The following PCDH15 variants were observed in gnomAD, a reference collection of about 807,000 sequenced individuals.
PCDH15 encodes the protein protocadherin related 15, also known as protocadherin-15.
Under a neutral mutation model 178.5 loss-of-function variants are expected in PCDH15, and 129 were observed. The ratio of observed to expected loss-of-function variants is 0.72; its 90% CI spans 0.63 to 0.84. The LOEUF is 0.84. Ranked by LOEUF, PCDH15 falls within the 40% of genes least tolerant of loss-of-function variation. The probability of loss-of-function intolerance (pLI) is 0.00; values close to 1 mark genes in which losing one functional copy is unlikely to be tolerated. For missense variants in PCDH15, 2,230 were observed against 2,099.9 expected (o/e 1.06, Z -1.21); for synonymous variants, 800 against 732.0 (o/e 1.09, Z -1.50).
chr10:54,097,760 G>T (rs1051449358), intron 15 of PCDH15, among the ~76,000 whole-genome samples: 1 of 152,096 alleles, frequency 6.6e-6, no homozygotes, highest in East Asian at 1.9e-4. Flanking sequence ...ATGAATGAAA[G>T]AATTTTGGAA....
chr10:54,953,521 C>A (rs1185346840), intron 2 of PCDH15, among the ~76,000 whole-genome samples: 1 of 151,382 alleles, frequency 6.6e-6, no homozygotes, highest in East Asian at 1.9e-4. Context: ...TTATAATACA[C>A]CTAATCTATT....
At chr10:55,023,189 G>A (rs1168467939) in intron 2 of PCDH15, among the ~76,000 whole-genome samples, 1 of 152,076 alleles carries the variant, frequency 6.6e-6, no homozygotes, top group Non-Finnish European at 1.5e-5. Context: ...GATCTGCCCG[G>A]CCTCTGCCTC....
chr10:54,498,113 C>A (rs2080306263), intron 3 of PCDH15, among the ~76,000 whole-genome samples: 1 of 152,056 alleles, frequency 6.6e-6, no homozygotes, highest in Non-Finnish European at 1.5e-5. Context: ...GACATTTCAG[C>A]AGAAACTTTA....
At chr10:54,717,046 T>C (rs188314054) in intron 1 of PCDH15, among the ~76,000 whole-genome samples, 26 of 148,652 alleles carry the variant, frequency 1.7e-4, no homozygotes, top group Admixed American at 1.6e-3. Flanking sequence ...CTGGGAAAAC[T>C]GGCTAGCTAT....
At chr10:53,984,643 AGTT>A (rs1467695177) in intron 21 of PCDH15, among the ~76,000 whole-genome samples, 1 of 152,198 alleles carries the variant, frequency 6.6e-6, no homozygotes, top group African/African-American at 2.4e-5. Context: ...CACAGATTTG[AGTT>A]AAATATTACC....
chr10:53,906,543 G>T (rs1006449478), intron 25 of PCDH15, among the ~76,000 whole-genome samples: 1 of 152,082 alleles, frequency 6.6e-6, no homozygotes, highest in African/African-American at 2.4e-5. Context: ...GAACAAAAAA[G>T]TTGATATTCA....
intron 2 of PCDH15, among the ~76,000 whole-genome samples, chr10:55,053,175 G>A (rs1841209067): frequency 6.6e-6 from 1 of 152,060 alleles, no homozygotes; most frequent in Non-Finnish European, 1.5e-5. Context: ...CTTTCAACAT[G>A]ATTTTTTTAT....
intron 3 of PCDH15, among the ~76,000 whole-genome samples, chr10:54,446,005 AT>A (rs59281586): frequency 4.0e-5 from 6 of 150,990 alleles, no homozygotes; most frequent in African/African-American, 1.5e-4. Flanking sequence ...CAGGTCTCTC[AT>A]TTTTTTTAAG....
At chr10:55,376,332 T>A (rs754570225) in intron 2 of PCDH15, among the ~76,000 whole-genome samples, 2 of 152,134 alleles carry the variant, frequency 1.3e-5, no homozygotes, top group Admixed American at 6.5e-5. Context: ...GCGGTACGAC[T>A]ATGAGAAAAC....
chr10:54,435,439 C>A (rs1303422278), intron 3 of PCDH15, among the ~76,000 whole-genome samples: 2 of 152,170 alleles, frequency 1.3e-5, no homozygotes, highest in Admixed American at 6.5e-5. Context: ...TTGTGATTAA[C>A]CATGAGCATG....
intron 3 of PCDH15, among the ~76,000 whole-genome samples, chr10:54,852,756 G>A (rs954170329): frequency 6.6e-6 from 1 of 151,822 alleles, no homozygotes; most frequent in Non-Finnish European, 1.5e-5. Context: ...AGGAGGCTGA[G>A]GCAGGAGAAT....
chr10:55,568,660 A>C (rs964248921), intron 2 of PCDH15, among the ~76,000 whole-genome samples: 1 of 152,198 alleles, frequency 6.6e-6, no homozygotes, highest in Non-Finnish European at 1.5e-5. Context: ...GACTTCCAAA[A>C]GAGGATTCAA....
At chr10:54,872,994 G>A (rs1304186126) in intron 3 of PCDH15, among the ~76,000 whole-genome samples, 3 of 150,952 alleles carry the variant, frequency 2.0e-5, no homozygotes, top group African/African-American at 7.3e-5. Context: ...TCTACAAATT[G>A]TAAAAGCTAC....
In PCDH15 at chr10:54,236,918, G is replaced by A; in HGVS notation, c.890C>T (p.Pro297Leu). 1 of 1,613,350 alleles carries A rather than the reference G, an allele frequency of 6.2e-7. No individual in the cohort carries two copies. The highest frequency in any genetic ancestry group is 8.5e-7 in the Non-Finnish European group (1 of 1,179,456). ...TTGGATTGGTGGCGTAACAATAATG[G>A]GGTTCAGTTCTTCCTGAAAAAAAAA... ...PELRTPEELN[P>L]IIVTPPIQAI... Residue 297 changes from proline (P) to leucine (L), a missense_variant, in exon 9 of 38, where the codon CCC (proline) becomes CTC (leucine). Pro to Leu is a moderately conservative substitution (Grantham distance 98, BLOSUM62 -3). Coordinates refer to ENST00000644397, the MANE Select transcript of PCDH15 (RefSeq NM_001384140.1).
chr10:55,493,448 G>A (rs773737609), intron 2 of PCDH15, among the ~76,000 whole-genome samples: 1 of 151,306 alleles, frequency 6.6e-6, no homozygotes, highest in Non-Finnish European at 1.5e-5. Flanking sequence ...AGGCTGGAGT[G>A]GGACAATTGA....
At chr10:54,221,821 T>G (rs1247783108) in intron 9 of PCDH15, among the ~76,000 whole-genome samples, 1 of 152,128 alleles carries the variant, frequency 6.6e-6, no homozygotes, top group East Asian at 1.9e-4. Flanking sequence ...CAGGCTGGTT[T>G]CGAACTCCTG....
At chr10:54,372,888 G>C (rs1403746265) in intron 4 of PCDH15, among the ~76,000 whole-genome samples, 2 of 151,578 alleles carry the variant, frequency 1.3e-5, no homozygotes, top group African/African-American at 4.8e-5. Context: ...CCTGTGTATA[G>C]GTTATGATAT....
chr10:55,602,278 C>G (rs368899998), intron 2 of PCDH15, among the ~76,000 whole-genome samples: 6,108 of 152,184 alleles, frequency 0.04, 179 homozygotes, highest in Non-Finnish European at 0.059. Context: ...AGCAGTCTGA[C>G]ATCAAACTGC....
At chr10:53,983,077 C>T (rs1404835617) in intron 21 of PCDH15, among the ~76,000 whole-genome samples, 5 of 151,860 alleles carry the variant, frequency 3.3e-5, no homozygotes, top group African/African-American at 9.7e-5. Context: ...TATTTTACCC[C>T]GACATGGTTT....
Sources: allele counts gnomAD v4.1 joint callset (sites outside exome capture counted in the v4.1 genomes callset), GRCh38; gene constraint gnomAD v4.1.1; transcripts MANE v1.5; gene names NCBI Gene and HGNC (gene_info 2026-07-23, HGNC 2026-07-21).